ZFHX3: variants seen among roughly 807,000 people sequenced by gnomAD.
ZFHX3 encodes zinc finger homeobox 3.
Under a neutral mutation model 279.1 loss-of-function variants are expected in ZFHX3, and 42 were observed. That is an observed-to-expected ratio of 0.15 (90% CI 0.12 to 0.19). ZFHX3 has a LOEUF of 0.19. Among genes scored for constraint, ZFHX3 ranks in the 10% least tolerant of loss-of-function variants. The probability of loss-of-function intolerance (pLI) is 1.00; values close to 1 mark genes in which losing one functional copy is unlikely to be tolerated. For missense variants in ZFHX3, 4,981 were observed against 4,754.0 expected (o/e 1.05, Z -1.40); for synonymous variants, 2,293 against 1,957.8 (o/e 1.17, Z -4.52).
rs1438523843 is a variant in ZFHX3, at chr16:73,473,361, A to C, written c.-1546-17103T>G. ...AAGCAAAAAAAAAAAAAAAAAACAA[A>C]AAAAAAAAAAACAAAATAATAAGCT... On this transcript the variant is annotated intron_variant, in intron 2 of 17. Transcript: ENST00000641206. 4.0e-4 allele frequency among the ~76,000 whole-genome samples: 23 copies of C among 57,274 alleles called. 1 individual carries two copies. Among genetic ancestry groups the C allele is most frequent in the Non-Finnish European group, 1.1e-4 (3 of 27,816 alleles). The allele number at this position is 57,274 out of a possible 152,430, so 37.6% of individuals were successfully genotyped here. A position where few individuals can be genotyped will look rare whatever the true frequency, so the allele number is the denominator to read the frequency against.
intron 3 of ZFHX3, among the ~76,000 whole-genome samples, chr16:73,444,177 T>C (rs941249594): frequency 6.6e-6 from 1 of 152,240 alleles, no homozygotes; most frequent in Admixed American, 6.5e-5. Context: ...CATTTTAAAA[T>C]AATGATTTCT....
intron 1 of ZFHX3, among the ~76,000 whole-genome samples, chr16:73,778,061 A>G (rs1959318819): frequency 6.6e-6 from 1 of 151,658 alleles, no homozygotes; most frequent in Admixed American, 6.6e-5. Context: ...TGAAAATGAA[A>G]AAAATAATAT....
At chr16:73,814,383 C>G (rs898185259) in intron 1 of ZFHX3, among the ~76,000 whole-genome samples, 5 of 151,960 alleles carry the variant, frequency 3.3e-5, no homozygotes, top group African/African-American at 1.2e-4. Context: ...CCAATCACAG[C>G]TTTCAGATGG....
intron 3 of ZFHX3, among the ~76,000 whole-genome samples, chr16:73,340,815 A>T (rs903599230): frequency 2.0e-5 from 3 of 152,214 alleles, no homozygotes; most frequent in Non-Finnish European, 4.4e-5. Flanking sequence ...AATGAACCCT[A>T]CAAGTACTGG....
rs1597214873 is a variant in ZFHX3, at chr16:72,784,253, A to G, written c.*2911T>C. On this transcript the variant is annotated 3_prime_UTR_variant, in exon 10 of 10. Transcript: ENST00000268489. ...GGGAGGATGGCATAGTAGCTCCATGAAAAAAAAAAACAAAAACAAAAACAA... is the reference window on the plus strand; with the variant it reads ...GGGAGGATGGCATAGTAGCTCCATGGAAAAAAAAAACAAAAACAAAAACAA... The G allele has an allele frequency of 7.9e-6, 1 of 126,006 alleles. No individual in the cohort carries two copies. The highest frequency in any genetic ancestry group is 1.0e-4 in the Admixed American group (1 of 9,556). 7.8% of individuals were successfully genotyped at this position (126,006 alleles called of 1,614,324 possible). A position where few individuals can be genotyped will look rare whatever the true frequency, so the allele number is the denominator to read the frequency against.
intron 1 of ZFHX3, among the ~76,000 whole-genome samples, chr16:72,976,549 T>G (rs535794632): frequency 6.6e-6 from 1 of 152,336 alleles, no homozygotes; most frequent in East Asian, 1.9e-4. Flanking sequence ...CCTACGAGCT[T>G]GCTCTCAGTA....
At chr16:73,722,426 C>T (rs1308219949) in intron 1 of ZFHX3, among the ~76,000 whole-genome samples, 1 of 152,168 alleles carries the variant, frequency 6.6e-6, no homozygotes, top group African/African-American at 2.4e-5. Flanking sequence ...CTTTATGAAC[C>T]AGGAAATCTT....
intron 3 of ZFHX3, among the ~76,000 whole-genome samples, chr16:73,345,017 GT>G (rs754221730): frequency 1.4e-4 from 21 of 152,094 alleles, no homozygotes; most frequent in Non-Finnish European, 2.1e-4. Flanking sequence ...AACTTGCCCT[GT>G]ATCCCTTGTC....
At chr16:73,458,704 C>T (rs577503090) in intron 2 of ZFHX3, among the ~76,000 whole-genome samples, 2 of 152,104 alleles carry the variant, frequency 1.3e-5, no homozygotes, top group Non-Finnish European at 2.9e-5. Flanking sequence ...CCCCAGGTCA[C>T]CCCCAACCTT....
At chr16:73,132,477 C>T (rs776403190) in intron 6 of ZFHX3, among the ~76,000 whole-genome samples, 25 of 152,238 alleles carry the variant, frequency 1.6e-4, no homozygotes, top group Middle Eastern at 6.8e-3. Context: ...TTCAGGAACA[C>T]GCCGTAATCA....
intron 3 of ZFHX3, among the ~76,000 whole-genome samples, chr16:72,935,771 A>G (rs1960089237): frequency 6.6e-6 from 1 of 151,830 alleles, no homozygotes; most frequent in African/African-American, 2.4e-5. Context: ...CCATCAAATC[A>G]TCAGGCGACA....
chr16:72,983,562 C>T (rs931345556), intron 1 of ZFHX3, among the ~76,000 whole-genome samples: 1 of 152,160 alleles, frequency 6.6e-6, no homozygotes, highest in African/African-American at 2.4e-5. Context: ...AAAAAATTAG[C>T]TGGGAGTGGT....
At chr16:72,950,440 C>G in intron 3 of ZFHX3, 29 bp downstream of exon 3, 1 of 1,600,618 alleles carries the variant, frequency 6.2e-7, no homozygotes. Flanking sequence ...TCAGAAAGAG[C>G]GCCTGAGCCA....
intron 3 of ZFHX3, among the ~76,000 whole-genome samples, chr16:72,945,755 G>C (rs147145467): frequency 6.6e-6 from 1 of 152,132 alleles, no homozygotes; most frequent in African/African-American, 2.4e-5. Context: ...CACTTTCACC[G>C]GAGCTTCAAA....
intron 1 of ZFHX3, among the ~76,000 whole-genome samples, chr16:73,738,065 C>T (rs191933581): frequency 1.3e-5 from 2 of 152,220 alleles, no homozygotes; most frequent in East Asian, 3.9e-4. Context: ...ATTAGTGCAG[C>T]TAATCAAAAG....
intron 5 of ZFHX3, among the ~76,000 whole-genome samples, chr16:73,151,832 A>G (rs975529668): frequency 1.3e-5 from 2 of 151,806 alleles, no homozygotes; most frequent in East Asian, 1.9e-4. Flanking sequence ...AGAAAAGTGA[A>G]CTTTCTATTT....
chr16:73,474,460 T>C (rs2018730692), intron 2 of ZFHX3, among the ~76,000 whole-genome samples: 1 of 152,200 alleles, frequency 6.6e-6, no homozygotes, highest in African/African-American at 2.4e-5. Context: ...CTTCTTTTAC[T>C]ATTAAAAAAT....
intron 4 of ZFHX3, among the ~76,000 whole-genome samples, chr16:72,860,075 T>C (rs2037846630): frequency 6.6e-6 from 1 of 152,176 alleles, no homozygotes. Flanking sequence ...AGCTGGGAAG[T>C]ACAACACTCC....
intron 1 of ZFHX3, among the ~76,000 whole-genome samples, chr16:73,021,562 G>A (rs1422010818): frequency 6.6e-6 from 1 of 152,230 alleles, no homozygotes; most frequent in Non-Finnish European, 1.5e-5. Flanking sequence ...CAGGTGTGGT[G>A]GCTCACACCT....
Sources: gnomAD v4.1 joint callset for allele counts (sites outside exome capture counted in the v4.1 genomes callset) on GRCh38, gnomAD v4.1.1 for gene constraint, MANE v1.5 for transcripts, NCBI Gene and HGNC (gene_info 2026-07-23, HGNC 2026-07-21) for gene names.